Variants in CHIC1 observed in about 807,000 individuals in gnomAD.
CHIC1 encodes cysteine rich hydrophobic domain 1.
In CHIC1, 7 loss-of-function variants were observed where a neutral mutation model predicts 18.5. That is an observed-to-expected ratio of 0.38 (90% confidence interval 0.22 to 0.71). The LOEUF (loss-of-function observed/expected upper bound fraction) is 0.71, where lower values mean the gene tolerates loss of function less well. Ranked by LOEUF, CHIC1 falls within the 30% of genes least tolerant of loss-of-function variation. The pLI, the probability that CHIC1 is intolerant of heterozygous loss-of-function variation, is 0.49. For synonymous variants in CHIC1, 77 were observed against 73.5 expected, an observed-to-expected ratio of 1.05 and a Z score of -0.25; for missense variants, 159 against 176.9, an observed-to-expected ratio of 0.90 and a Z score of 0.57.
In CHIC1 at chrX:73,563,372, T is replaced by TCGTCGC. The variant is rs1340776054; in HGVS notation, c.94_99dup (p.Pro32_Ser33dup). 2.1e-5 allele frequency: 24 copies of TCGTCGC among 1,154,381 alleles called. No homozygotes were observed. The highest frequency in any genetic ancestry group is 2.7e-5 in the Non-Finnish European group (23 of 866,350). On this transcript the variant is annotated inframe_insertion, in exon 1 of 6. Transcript: ENST00000373502. Reference sequence around the variant, plus strand: ...GGAAGAAGAAGCGGCAACGTCGTCGTCGTCGCCGTCGTCGTCGTCGTCGGT... The same window carrying TCGTCGC: ...GGAAGAAGAAGCGGCAACGTCGTCGTCGTCGCCGTCGCCGTCGTCGTCGTCGTCGGT...
At chrX:73,674,945 C>T (rs1340544670) in intron 3 of CHIC1, among the ~76,000 whole-genome samples, 2 of 110,317 alleles carry the variant, frequency 1.8e-5, no homozygotes, top group African/African-American at 6.7e-5. Context: ...TCTTTGTTCT[C>T]CTTGGTTTCA....
chrX:73,613,481 G>A (rs983116057), intron 3 of CHIC1, among the ~76,000 whole-genome samples: 2 of 111,092 alleles, frequency 1.8e-5, no homozygotes, highest in African/African-American at 6.6e-5. Flanking sequence ...TGCACATGCT[G>A]GCTTATCTTC....
intron 5 of CHIC1, among the ~76,000 whole-genome samples, 172 bp downstream of exon 5, chrX:73,679,885 T>C (rs1479076046): frequency 2.7e-5 from 3 of 111,864 alleles, no homozygotes; most frequent in Non-Finnish European, 5.7e-5. Flanking sequence ...ACCTAAAATA[T>C]CTTGAAAGCT....
At chrX:73,619,329 C>T (rs912356589) in intron 3 of CHIC1, among the ~76,000 whole-genome samples, 2 of 110,931 alleles carry the variant, frequency 1.8e-5, no homozygotes, top group Admixed American at 9.6e-5. Context: ...TCCTATCTGC[C>T]GTTTTTCTTT....
At position 73,568,394 on chromosome X, in the gene CHIC1, A is replaced by G. The variant is rs1003384890; in HGVS notation, c.296+4814A>G. Among the ~76,000 whole-genome samples the G allele has an allele frequency of 5.4e-5, 6 of 111,896 alleles. No homozygotes were observed. In the Admixed American group the frequency reaches 5.7e-4, roughly 11 times the overall value. On this transcript the variant is annotated intron_variant, in intron 1 of 5. Coordinates refer to ENST00000373502, the MANE Select transcript of CHIC1 (RefSeq NM_001039840.4). Reference sequence around the variant, plus strand: ...TCCAATTCTGAGATGATGATCATAAATGGATATTAGGAGATCTTTTTCCAA... The same window carrying G: ...TCCAATTCTGAGATGATGATCATAAGTGGATATTAGGAGATCTTTTTCCAA...
chrX:73,632,763 CTT>C (rs778008597), intron 3 of CHIC1, among the ~76,000 whole-genome samples: 3 of 63,654 alleles, frequency 4.7e-5, no homozygotes, highest in African/African-American at 1.2e-4. Context: ...TATTGTTATT[CTT>C]TTTTTTTTTT....
At chrX:73,671,809 G>A (rs762818262) in intron 3 of CHIC1, among the ~76,000 whole-genome samples, 64 of 106,250 alleles carry the variant, frequency 6.0e-4, no homozygotes, top group African/African-American at 2.0e-3. Flanking sequence ...TATGGTACAT[G>A]TGCACAACAT....
At chrX:73,641,833 A>G (rs1310799311) in intron 3 of CHIC1, among the ~76,000 whole-genome samples, 2 of 111,217 alleles carry the variant, frequency 1.8e-5, no homozygotes, top group East Asian at 5.7e-4. Flanking sequence ...CCATGTCCCT[A>G]CAAAGGACAT....
At chrX:73,676,598 C>T (rs956111871) in intron 3 of CHIC1, among the ~76,000 whole-genome samples, 3 of 111,509 alleles carry the variant, frequency 2.7e-5, no homozygotes, top group Admixed American at 1.9e-4. Context: ...CCTTTAAGGA[C>T]TTCTCTGCAT....
intron 1 of CHIC1, among the ~76,000 whole-genome samples, chrX:73,569,879 C>T (rs1481226034): frequency 1.8e-5 from 2 of 111,052 alleles, no homozygotes; most frequent in Non-Finnish European, 3.8e-5. Flanking sequence ...TATATAGATA[C>T]ATTTAGGTCA....
intron 3 of CHIC1, among the ~76,000 whole-genome samples, chrX:73,615,589 G>C (rs2057728845): frequency 9.0e-6 from 1 of 111,566 alleles, no homozygotes; most frequent in Non-Finnish European, 1.9e-5. Flanking sequence ...CCTAGGAGGA[G>C]TTCTCAGGTG....
intron 3 of CHIC1, among the ~76,000 whole-genome samples, chrX:73,597,777 C>A (rs967410999): frequency 1.0e-4 from 11 of 109,387 alleles, no homozygotes; most frequent in African/African-American, 2.3e-4. Flanking sequence ...CCTAGCCCCC[C>A]ACCTCCTGAC....
At chrX:73,637,344 G>T (rs1293788757) in intron 3 of CHIC1, among the ~76,000 whole-genome samples, 4 of 103,828 alleles carry the variant, frequency 3.9e-5, no homozygotes, top group African/African-American at 1.1e-4. Flanking sequence ...AGTAGGTCTT[G>T]GTGTTGGTCT....
At chrX:73,675,715 C>A (rs778510993) in intron 3 of CHIC1, among the ~76,000 whole-genome samples, 12 of 111,517 alleles carry the variant, frequency 1.1e-4, no homozygotes, top group African/African-American at 3.9e-4. Context: ...TTAATTGGAG[C>A]ATTTAGCCCG....
chrX:73,610,623 A>C (rs1288250494), intron 3 of CHIC1, among the ~76,000 whole-genome samples: 1 of 108,650 alleles, frequency 9.2e-6, no homozygotes, highest in East Asian at 2.8e-4. Flanking sequence ...CCTTCTCTTC[A>C]ATTTTTTGAA....
intron 3 of CHIC1, among the ~76,000 whole-genome samples, chrX:73,641,353 T>C (rs182867886): frequency 6.3e-5 from 7 of 110,649 alleles, no homozygotes; most frequent in Non-Finnish European, 1.1e-4. Context: ...ATTAGGTCCA[T>C]TTGGTAATGT....
At chrX:73,613,592 T>C (rs747723210) in intron 3 of CHIC1, among the ~76,000 whole-genome samples, 1 of 112,220 alleles carries the variant, frequency 8.9e-6, no homozygotes, top group East Asian at 2.8e-4. Flanking sequence ...CAAATAAACC[T>C]ATTTTCTTTA....
At chrX:73,658,136 A>G (rs1011700637) in intron 3 of CHIC1, among the ~76,000 whole-genome samples, 15 of 110,117 alleles carry the variant, frequency 1.4e-4, no homozygotes, top group African/African-American at 5.0e-4. Flanking sequence ...GCTTCATCAA[A>G]TAAATTAGGG....
At chrX:73,677,502 A>G (rs1472137593) in intron 3 of CHIC1, among the ~76,000 whole-genome samples, 2 of 111,414 alleles carry the variant, frequency 1.8e-5, no homozygotes, top group Non-Finnish European at 3.8e-5. Context: ...TGTGCTAGCA[A>G]TGTGTGAGAC....
Sources: allele counts gnomAD v4.1 joint callset (sites outside exome capture counted in the v4.1 genomes callset), GRCh38; gene constraint gnomAD v4.1.1; transcripts MANE v1.5; gene names NCBI Gene and HGNC (gene_info 2026-07-23, HGNC 2026-07-21).